Variants in NRG3 observed in about 807,000 individuals in gnomAD.
NRG3 encodes the protein neuregulin 3.
In NRG3, 31 loss-of-function variants were observed where a neutral mutation model predicts 66.9. The ratio of observed to expected loss-of-function variants is 0.46; its 90% confidence interval spans 0.35 to 0.63. The LOEUF (loss-of-function observed/expected upper bound fraction) is 0.63. Among genes scored for constraint, NRG3 ranks in the 20% least tolerant of loss-of-function variants. The pLI is 0.00. For missense variants in NRG3, 910 were observed against 878.9 expected, an observed-to-expected ratio of 1.04 and a Z score of -0.45; for synonymous variants, 393 against 359.4, an observed-to-expected ratio of 1.09 and a Z score of -1.06.
chr10:81,923,336 G>C (rs907285538), intron 1 of NRG3, among the ~76,000 whole-genome samples: 1 of 151,908 alleles, frequency 6.6e-6, no homozygotes, highest in Non-Finnish European at 1.5e-5. Flanking sequence ...CTCCCGAGTA[G>C]CTGGGACTAC....
At chr10:82,681,520 G>T (rs1485770419) in intron 2 of NRG3, among the ~76,000 whole-genome samples, 1 of 152,238 alleles carries the variant, frequency 6.6e-6, no homozygotes, top group Non-Finnish European at 1.5e-5. Context: ...GAAATCTTCA[G>T]CAGGGACTGG....
At chr10:82,859,953 A>G (rs1404666321) in intron 3 of NRG3, among the ~76,000 whole-genome samples, 1 of 152,182 alleles carries the variant, frequency 6.6e-6, no homozygotes, top group Non-Finnish European at 1.5e-5. Flanking sequence ...TTGTCTTGCT[A>G]GACAGGTACC....
chr10:82,348,699 G>A (rs2083201889), intron 1 of NRG3, among the ~76,000 whole-genome samples: 1 of 150,460 alleles, frequency 6.6e-6, no homozygotes, highest in African/African-American at 2.4e-5. Flanking sequence ...TCACTTTCAG[G>A]TACACCAATC....
chr10:82,826,024 TG>T (rs2062189533), intron 3 of NRG3, among the ~76,000 whole-genome samples: 1 of 152,186 alleles, frequency 6.6e-6, no homozygotes. Flanking sequence ...TATTGTACCA[TG>T]GAGTAAACTT....
intron 3 of NRG3, among the ~76,000 whole-genome samples, chr10:82,819,656 T>G (rs534584993): frequency 2.4e-4 from 37 of 152,304 alleles, no homozygotes; most frequent in Non-Finnish European, 4.0e-4. Context: ...ACAACAGAGT[T>G]GGAAGCATTT....
chr10:82,563,723 C>A (rs1454807641), intron 2 of NRG3, among the ~76,000 whole-genome samples: 1 of 151,980 alleles, frequency 6.6e-6, no homozygotes, highest in East Asian at 1.9e-4. Context: ...TCCATCATCT[C>A]ACCTACTTAT....
At chr10:82,168,150 C>G (rs954251020) in intron 1 of NRG3, among the ~76,000 whole-genome samples, 1 of 152,048 alleles carries the variant, frequency 6.6e-6, no homozygotes, top group African/African-American at 2.4e-5. Flanking sequence ...CTTTGTGCAG[C>G]CTAAGATTGC....
chr10:82,005,823 T>G (rs1445727401), intron 1 of NRG3, among the ~76,000 whole-genome samples: 1 of 152,020 alleles, frequency 6.6e-6, no homozygotes, highest in African/African-American at 2.4e-5. Flanking sequence ...TAAGTAAAAG[T>G]AGTCTACCCT....
At chr10:82,534,903 C>G (rs544465765) in intron 2 of NRG3, among the ~76,000 whole-genome samples, 2 of 151,686 alleles carry the variant, frequency 1.3e-5, no homozygotes, top group Non-Finnish European at 2.9e-5. Flanking sequence ...TGGCTCACAC[C>G]TGTAATCCCA....
chr10:82,523,074 A>C (rs1003596195), intron 2 of NRG3, among the ~76,000 whole-genome samples: 2 of 152,192 alleles, frequency 1.3e-5, no homozygotes, highest in African/African-American at 2.4e-5. Context: ...TTCAAGGTTA[A>C]TTTCTGTTAT....
intron 2 of NRG3, among the ~76,000 whole-genome samples, chr10:82,412,295 A>C (rs2088155002): frequency 6.6e-6 from 1 of 152,204 alleles, no homozygotes; most frequent in African/African-American, 2.4e-5. Context: ...GTTTGAGACC[A>C]CTGCAATAAA....
intron 6 of NRG3, among the ~76,000 whole-genome samples, chr10:82,967,225 A>G (rs1268902388): frequency 6.6e-6 from 1 of 150,708 alleles, no homozygotes; most frequent in East Asian, 1.9e-4. Flanking sequence ...ATATTAAAAG[A>G]TATATTTATA....
chr10:82,455,665 A>G (rs888250145), intron 2 of NRG3, among the ~76,000 whole-genome samples: 1 of 147,000 alleles, frequency 6.8e-6, no homozygotes. Flanking sequence ...CCCAGGCTGG[A>G]GTGCAGTGGC....
intron 2 of NRG3, among the ~76,000 whole-genome samples, chr10:82,615,223 G>A (rs1271740825): frequency 1.3e-5 from 2 of 152,052 alleles, no homozygotes; most frequent in East Asian, 3.9e-4. Flanking sequence ...GACATAGTTT[G>A]CGAGTTTAGA....
chr10:81,925,909 TTTG>T, intron 1 of NRG3, among the ~76,000 whole-genome samples: 1 of 152,068 alleles, frequency 6.6e-6, no homozygotes, highest in East Asian at 1.9e-4. Context: ...TGATGATTCT[TTTG>T]TATAGCTCTC....
intron 1 of NRG3, among the ~76,000 whole-genome samples, chr10:82,141,236 C>G (rs914492303): frequency 2.0e-5 from 3 of 152,102 alleles, no homozygotes; most frequent in Non-Finnish European, 4.4e-5. Flanking sequence ...TACCTACTCT[C>G]CATTATTTTG....
intron 2 of NRG3, among the ~76,000 whole-genome samples, chr10:82,387,194 A>G (rs2086056838): frequency 6.6e-6 from 1 of 152,164 alleles, no homozygotes; most frequent in Non-Finnish European, 1.5e-5. Flanking sequence ...TTTCTTATGG[A>G]AAATGGAAAC....
intron 2 of NRG3, among the ~76,000 whole-genome samples, chr10:82,701,464 T>C (rs2055875098): frequency 6.6e-6 from 1 of 152,116 alleles, no homozygotes; most frequent in Non-Finnish European, 1.5e-5. Flanking sequence ...TATTTGTAAG[T>C]CACAAGGAAT....
At chr10:82,496,560 A>G (rs1843654943) in intron 2 of NRG3, among the ~76,000 whole-genome samples, 1 of 152,044 alleles carries the variant, frequency 6.6e-6, no homozygotes, top group African/African-American at 2.4e-5. Flanking sequence ...ATAAGTATTT[A>G]TTTAACTTAT....
Sources: allele counts gnomAD v4.1 joint callset (sites outside exome capture counted in the v4.1 genomes callset), GRCh38; gene constraint gnomAD v4.1.1; transcripts MANE v1.5; gene names NCBI Gene and HGNC (gene_info 2026-07-23, HGNC 2026-07-21).